The following ZNF578 variants were observed in gnomAD, a reference collection of about 807,000 sequenced individuals.
ZNF578 encodes zinc finger protein 578.
Under a neutral mutation model 8.3 loss-of-function variants are expected in ZNF578, and 8 were observed. The observed-to-expected ratio is 0.96, with a 90% CI of 0.56 to 1.74. The LOEUF is 1.74. Ranked by LOEUF, ZNF578 falls within the 40% of genes most tolerant of loss-of-function variation. The pLI is 0.00. For synonymous variants in ZNF578, 206 were observed against 232.2 expected (o/e 0.89, Z 1.03); for missense variants, 726 against 707.5 (o/e 1.03, Z -0.30).
intron 5 of ZNF578, among the ~76,000 whole-genome samples, chr19:52,509,634 G>GT (rs965898120): frequency 4.7e-4 from 72 of 152,248 alleles, no homozygotes; most frequent in African/African-American, 1.7e-3. Flanking sequence ...AGTCATAGTG[G>GT]TGTGTGCCTG....
At chr19:52,463,209 T>G (rs1568455190) in intron 2 of ZNF578, among the ~76,000 whole-genome samples, 2 of 152,218 alleles carry the variant, frequency 1.3e-5, no homozygotes, top group Non-Finnish European at 2.9e-5. Flanking sequence ...ATTGTCTGTT[T>G]TTAATTTTTT....
chr19:52,471,853 A>G lies in ZNF578; in HGVS notation c.-122+14895A>G, dbSNP rs551138672. On this transcript the variant is annotated intron_variant, in intron 2 of 5. Transcript: ENST00000421239. Reference sequence around the variant, plus strand: ...ATGAAGGTGAATATATGAAATTTCTAGTCAGTCTGCCAAAAGAAAACAATA... The same window carrying G: ...ATGAAGGTGAATATATGAAATTTCTGGTCAGTCTGCCAAAAGAAAACAATA... 4.6e-5 allele frequency among the ~76,000 whole-genome samples: 7 copies of G among 152,330 alleles called. No homozygotes were observed. The South Asian group carries it at 1.5e-3, about 32-fold the overall frequency.
rs184083341 is a variant in ZNF578, at chr19:52,472,731, G to A, written c.-122+15773G>A. 1.8e-4 allele frequency among the ~76,000 whole-genome samples: 28 copies of A among 152,214 alleles called. No individual in the cohort carries two copies. The East Asian group carries it at 4.0e-3, about 22-fold the overall frequency. On this transcript the variant is annotated intron_variant, in intron 2 of 5. Transcript: ENST00000421239. The stretch of plus-strand genomic sequence containing the variant: ...ATTGAACACAATAAGTATAATGACT[G>A]GCATCATAGTTTTACATTATTCTCT...
At chr19:52,496,291 C>T (rs1447668199) in intron 3 of ZNF578, among the ~76,000 whole-genome samples, 2 of 152,024 alleles carry the variant, frequency 1.3e-5, no homozygotes, top group African/African-American at 4.8e-5. Context: ...GCTGCGATTA[C>T]AGGCATGAGC....
intron 2 of ZNF578, among the ~76,000 whole-genome samples, chr19:52,469,977 T>C (rs533284670): frequency 6.6e-6 from 1 of 152,212 alleles, no homozygotes; most frequent in African/African-American, 2.4e-5. Context: ...AGGGCATTGA[T>C]TGGGAAAGAT....
In ZNF578 at chr19:52,511,689, T is replaced by C. The variant is rs1361961691; in HGVS notation, c.1308T>C (p.Phe436=). The C allele has an allele frequency of 3.1e-6, 5 of 1,612,912 alleles. No homozygotes were observed. Among genetic ancestry groups the C allele is most frequent in the Non-Finnish European group, 4.2e-6 (5 of 1,179,738 alleles). Residue 436 remains phenylalanine (F), a synonymous_variant, in exon 6 of 6, where the codon TTT becomes TTC. Transcript: ENST00000421239. Reference sequence around the variant, plus strand: ...AGTGTAATGACTGTGGTAAGGCTTTTATTCATCAGTCAAGCCTTGCACGTC... The same window carrying C: ...AGTGTAATGACTGTGGTAAGGCTTTCATTCATCAGTCAAGCCTTGCACGTC... ...PYKCNDCGKA[F]IHQSSLARHH...
rs1268591726 is a variant in ZNF578, at chr19:52,514,099, C to T, written c.*1945C>T. ...GTGTCATAGACTTCCCTTTTTTTTC[C>T]TTCTGGTTCCTCTTCAGTTCTCTAT... On this transcript the variant is annotated 3_prime_UTR_variant, in exon 6 of 6. Transcript: ENST00000421239. Among the ~76,000 whole-genome samples the T allele has an allele frequency of 1.3e-5, 2 of 151,204 alleles. No individual in the cohort carries two copies. The highest frequency in any genetic ancestry group is 3.0e-5 in the Non-Finnish European group (2 of 67,774).
intron 2 of ZNF578, among the ~76,000 whole-genome samples, chr19:52,470,922 T>A (rs539240059): frequency 1.3e-5 from 2 of 152,250 alleles, no homozygotes; most frequent in Non-Finnish European, 2.9e-5. Context: ...GGTGATTTGA[T>A]CATGGAGGGC....
Position 52,513,315 on chromosome 19 carries a change from C to T in ZNF578, c.*1161C>T, listed in dbSNP as rs2059457321. ...GAGATTACAGGCATATGCCACCGCG[C>T]CTGGCATTGTTTCTTCTTTTCCTTT... On this transcript the variant is annotated 3_prime_UTR_variant, in exon 6 of 6. Transcript: ENST00000421239. 6.7e-6 allele frequency among the ~76,000 whole-genome samples: 1 copy of T among 149,554 alleles called. No homozygotes were observed. The highest frequency in any genetic ancestry group is 1.5e-5 in the Non-Finnish European group (1 of 67,724).
rs60404252 is a variant in ZNF578 at position 52,504,110 on chromosome 19, A to G, written c.64-545A>G. ...CGCCTGGCATTGCTTTTTTTTTTTA[A>G]CATGGAGTGTCAGTCTGTTGCCCAG... On this transcript the variant is annotated intron_variant, in intron 4 of 5. Transcript: ENST00000421239. Among the ~76,000 whole-genome samples, 1,093 of 145,868 alleles carry G rather than the reference A, an allele frequency of 7.5e-3. 16 individuals carry two copies. Among genetic ancestry groups the G allele is most frequent in the African/African-American group, 0.026 (1,013 of 39,024 alleles).
At position 52,513,544 on chromosome 19, in the gene ZNF578, C is replaced by T. The variant is rs1166624828; in HGVS notation, c.*1390C>T. Among the ~76,000 whole-genome samples the T allele has an allele frequency of 6.6e-6, 1 of 151,470 alleles. No homozygotes were observed. The highest frequency in any genetic ancestry group is 1.9e-4 in the East Asian group (1 of 5,172). On this transcript the variant is annotated 3_prime_UTR_variant, in exon 6 of 6. Transcript: ENST00000421239. ...AGGAGATTGAGACCGTCCTGGCTAA[C>T]ACGGTGAAACCTCGTCTCTACTAAA...
chr19:52,496,861 A>T (rs932249518), intron 3 of ZNF578, among the ~76,000 whole-genome samples: 4 of 147,098 alleles, frequency 2.7e-5, no homozygotes, highest in East Asian at 2.1e-4. Context: ...GGTCTTGAAC[A>T]CCTGACCTCA....
chr19:52,459,713 A>G (rs368179067), intron 2 of ZNF578, among the ~76,000 whole-genome samples: 15 of 18,240 alleles, frequency 8.2e-4, no homozygotes, highest in African/African-American at 1.7e-3. Context: ...ATATGTAGAT[A>G]TGTGTGTGTG....
Position 52,480,321 on chromosome 19 carries a change from C to G in ZNF578, c.-121-11003C>G, listed in dbSNP as rs140955559. On this transcript the variant is annotated intron_variant, in intron 2 of 5. Coordinates refer to ENST00000421239, the MANE Select transcript of ZNF578 (RefSeq NM_001099694.2). ...AGTTTCTCTTCTTTCTGGGTAATTGCAAGTGAATATGTGCACATACTGACC... is the reference window on the plus strand; with the variant it reads ...AGTTTCTCTTCTTTCTGGGTAATTGGAAGTGAATATGTGCACATACTGACC... Among the ~76,000 whole-genome samples, 52 of 152,216 alleles carry G rather than the reference C, an allele frequency of 3.4e-4. No homozygotes were observed. The East Asian group carries it at 9.9e-3, about 29-fold the overall frequency.
At chr19:52,483,968 C>T (rs1035960966) in intron 2 of ZNF578, among the ~76,000 whole-genome samples, 2 of 151,966 alleles carry the variant, frequency 1.3e-5, no homozygotes, top group Admixed American at 6.6e-5. Flanking sequence ...CCCAGGGAAC[C>T]GACGCTCAGC....
chr19:52,497,186 G>A (rs572654196), intron 3 of ZNF578, among the ~76,000 whole-genome samples: 1 of 152,080 alleles, frequency 6.6e-6, no homozygotes, highest in Middle Eastern at 3.4e-3. Flanking sequence ...TGCAACCTCC[G>A]CCTCCCAGGG....
chr19:52,490,762 C>T (rs748440899), intron 2 of ZNF578, among the ~76,000 whole-genome samples: 4 of 152,016 alleles, frequency 2.6e-5, no homozygotes, highest in Non-Finnish European at 5.9e-5. Flanking sequence ...CTCAGCCTCC[C>T]GAGTAGCTGG....
chr19:52,468,079 C>A (rs1176388891), intron 2 of ZNF578, among the ~76,000 whole-genome samples: 1 of 151,952 alleles, frequency 6.6e-6, no homozygotes, highest in Non-Finnish European at 1.5e-5. Context: ...GGAAGAAATG[C>A]ATGAAACATA....
chr19:52,471,881 C>T (rs1344198160), intron 2 of ZNF578, among the ~76,000 whole-genome samples: 1 of 152,112 alleles, frequency 6.6e-6, no homozygotes. Flanking sequence ...AAACAATACT[C>T]ATTTTGTGTG....
Sources: allele counts gnomAD v4.1 joint callset (sites outside exome capture counted in the v4.1 genomes callset), GRCh38; gene constraint gnomAD v4.1.1; transcripts MANE v1.5; gene names NCBI Gene and HGNC (gene_info 2026-07-23, HGNC 2026-07-21).